XXYLT1: variants seen among roughly 807,000 people sequenced by gnomAD.
The protein encoded by XXYLT1 is UDP-xylose:alpha-xyloside alpha-1,3-xylosyltransferase.
A neutral mutation model predicts 28.9 loss-of-function variants in XXYLT1; 20 were observed. That is an observed-to-expected ratio of 0.69 (90% CI 0.49 to 1.00). The LOEUF (loss-of-function observed/expected upper bound fraction) is 1.00. Among genes scored for constraint, XXYLT1 ranks in the 50% least tolerant of loss-of-function variants. The probability of loss-of-function intolerance (pLI) is 0.00; values close to 1 mark genes in which losing one functional copy is unlikely to be tolerated. For synonymous variants in XXYLT1, 257 were observed against 253.8 expected (o/e 1.01, Z -0.12); for missense variants, 542 against 560.1 (o/e 0.97, Z 0.33).
chr3:195,106,563 G>A (rs1019164550), intron 3 of XXYLT1, among the ~76,000 whole-genome samples: 1 of 152,186 alleles, frequency 6.6e-6, no homozygotes, highest in Admixed American at 6.5e-5. Flanking sequence ...TCTTAGACCC[G>A]CGTGCAGATC....
intron 3 of XXYLT1, among the ~76,000 whole-genome samples, chr3:195,094,937 C>G (rs1176004744): frequency 6.6e-6 from 1 of 152,228 alleles, no homozygotes; most frequent in African/African-American, 2.4e-5. Context: ...AGGGTTCTCT[C>G]ACATAAGAGT....
chr3:195,118,187 G>A (rs2131879), intron 3 of XXYLT1, among the ~76,000 whole-genome samples: 132,567 of 152,204 alleles, frequency 0.87, 57,766 homozygotes, highest in Admixed American at 0.9. Flanking sequence ...TGGCAGGTCA[G>A]GTTCTTACTC....
rs1724710392 is a variant in XXYLT1, at chr3:195,240,032, T to A, written c.505-13176A>T. On this transcript the variant is annotated intron_variant, in intron 1 of 3. Coordinates refer to ENST00000310380, the MANE Select transcript of XXYLT1 (RefSeq NM_152531.5). This position sits in a 1 kb window ranked among gnomAD's most constrained non-coding sequence, Gnocchi z 4.7. ...AGAAATGATTAAATCTGTGTTAAATTTCTCTGCCTACTTTTATTTTTAATT... is the reference window on the plus strand; with the variant it reads ...AGAAATGATTAAATCTGTGTTAAATATCTCTGCCTACTTTTATTTTTAATT... 6.6e-6 allele frequency among the ~76,000 whole-genome samples: 1 copy of A among 152,228 alleles called. No individual in the cohort carries two copies. The highest frequency in any genetic ancestry group is 1.5e-5 in the Non-Finnish European group (1 of 68,036).
At chr3:195,101,575 T>C (rs561988657) in intron 3 of XXYLT1, among the ~76,000 whole-genome samples, 85 of 152,344 alleles carry the variant, frequency 5.6e-4, no homozygotes, top group Non-Finnish European at 9.6e-4. Context: ...ATGGCAGTTA[T>C]ACATGTAGCT....
At chr3:195,149,338 T>TG (rs994999165) in intron 3 of XXYLT1, among the ~76,000 whole-genome samples, 15 of 151,992 alleles carry the variant, frequency 9.9e-5, no homozygotes, top group South Asian at 4.2e-4. Context: ...TTTCATCCGA[T>TG]GGGGGGGCAA....
intron 2 of XXYLT1, among the ~76,000 whole-genome samples, chr3:195,192,953 T>C (rs1560144976): frequency 6.6e-6 from 1 of 152,128 alleles, no homozygotes; most frequent in Non-Finnish European, 1.5e-5. Context: ...CACACTTCTA[T>C]ATACTAGCAA....
intron 2 of XXYLT1, among the ~76,000 whole-genome samples, chr3:195,169,252 T>C (rs1249652167): frequency 6.6e-6 from 1 of 152,194 alleles, no homozygotes; most frequent in Admixed American, 6.5e-5. Flanking sequence ...TCAGGCTCCA[T>C]CCCGGCACGG....
intron 1 of XXYLT1, among the ~76,000 whole-genome samples, chr3:195,239,741 A>G (rs980809073): frequency 3.3e-5 from 5 of 152,212 alleles, no homozygotes; most frequent in Non-Finnish European, 7.3e-5. Flanking sequence ...GCCCAGAGTC[A>G]AGCTGAGCCA....
rs991204242 is a variant in XXYLT1, at chr3:195,210,087, G to A, written c.652+16622C>T. Among the ~76,000 whole-genome samples the A allele has an allele frequency of 7.5e-6, 1 of 132,644 alleles. No individual in the cohort carries two copies. Among genetic ancestry groups the A allele is most frequent in the Admixed American group, 7.0e-5 (1 of 14,298 alleles). The allele number at this position is 132,644 out of a possible 152,430, so 87.0% of individuals were successfully genotyped here. The stretch of plus-strand genomic sequence containing the variant: ...GTCCAGGCTGAGGCCCCGGCCGCCC[G>A]CACACCCTGGCCCAGAATGCCTGCT... On this transcript the variant is annotated intron_variant, in intron 2 of 3. Transcript: ENST00000310380. This position sits in a 1 kb window ranked among gnomAD's most constrained non-coding sequence, Gnocchi z 4.8.
At chr3:195,126,373 T>C (rs925388250) in intron 3 of XXYLT1, among the ~76,000 whole-genome samples, 2 of 152,226 alleles carry the variant, frequency 1.3e-5, no homozygotes, top group African/African-American at 2.4e-5. Context: ...GTAAATGCGA[T>C]TGGTCATTCT....
chr3:195,226,870 A>C lies in XXYLT1; in HGVS notation c.505-14T>G, dbSNP rs751744268. 3.1e-6 allele frequency: 5 copies of C among 1,605,462 alleles called. No homozygotes were observed. The highest frequency in any genetic ancestry group is 4.3e-6 in the Non-Finnish European group (5 of 1,176,112). ...GTGGAAGATGACCTGCAGCAGGTGCAAAAAAAACCAAGGCTCAGCAAACCA... is the reference window on the plus strand; with the variant it reads ...GTGGAAGATGACCTGCAGCAGGTGCCAAAAAAACCAAGGCTCAGCAAACCA... On this transcript the variant is annotated splice_polypyrimidine_tract_variant and intron_variant, in intron 1 of 3. Coordinates refer to ENST00000310380, the MANE Select transcript of XXYLT1 (RefSeq NM_152531.5).
At position 195,180,514 on chromosome 3, in the gene XXYLT1, C is replaced by G. The variant is rs1721896747; in HGVS notation, c.653-23933G>C. ...TATGCTCCTCTTCCTGGCTCTGTAG[C>G]CCTTGAAAAGAAGCAAACAAACAGA... On this transcript the variant is annotated intron_variant, in intron 2 of 3. Coordinates refer to ENST00000310380, the MANE Select transcript of XXYLT1 (RefSeq NM_152531.5). The surrounding 1 kb of genome is among the most constrained non-coding windows in gnomAD (Gnocchi z 5.8). 1 of 985,392 alleles carries G rather than the reference C, an allele frequency of 1.0e-6. No individual in the cohort carries two copies. Among genetic ancestry groups the G allele is most frequent in the Non-Finnish European group, 1.2e-6 (1 of 829,986 alleles). The allele number at this position is 985,392 out of a possible 1,614,324, so 61.0% of individuals were successfully genotyped here. A position where few individuals can be genotyped will look rare whatever the true frequency, so the allele number is the denominator to read the frequency against.
At chr3:195,157,289 C>T (rs1720653536) in intron 2 of XXYLT1, among the ~76,000 whole-genome samples, 1 of 149,470 alleles carries the variant, frequency 6.7e-6, no homozygotes, top group Admixed American at 6.7e-5. Flanking sequence ...CCAGGTGTTT[C>T]CTCTTTGGAG....
At chr3:195,137,756 T>C (rs1186785015) in intron 3 of XXYLT1, among the ~76,000 whole-genome samples, 1 of 152,220 alleles carries the variant, frequency 6.6e-6, no homozygotes, top group African/African-American at 2.4e-5. Flanking sequence ...GTGCTTAGTA[T>C]TATGTCATGT....
intron 3 of XXYLT1, among the ~76,000 whole-genome samples, chr3:195,112,992 T>C (rs2108705168): frequency 6.6e-6 from 1 of 152,376 alleles, no homozygotes; most frequent in African/African-American, 2.4e-5. Flanking sequence ...ACTGCAGCCA[T>C]GCCCCTCACT....
rs940133125 is a variant in XXYLT1, at chr3:195,268,215, A to T, written c.504+2340T>A. Among the ~76,000 whole-genome samples, 4 of 152,088 alleles carry T rather than the reference A, an allele frequency of 2.6e-5. No homozygotes were observed. The East Asian group carries it at 7.7e-4, about 29-fold the overall frequency. On this transcript the variant is annotated intron_variant, in intron 1 of 3. Transcript: ENST00000310380. ...GAGGCCAAGGTGGGTGGATCACCTG[A>T]GGTCAGGAATTTGAGACCAGCCTGG...
At chr3:195,159,159 G>C (rs892622506) in intron 2 of XXYLT1, among the ~76,000 whole-genome samples, 12 of 152,214 alleles carry the variant, frequency 7.9e-5, no homozygotes, top group African/African-American at 2.9e-4. Context: ...AGGAAGACTA[G>C]ACAGCTACAA....
chr3:195,081,311 C>T (rs1299224578), intron 3 of XXYLT1, among the ~76,000 whole-genome samples: 1 of 152,152 alleles, frequency 6.6e-6, no homozygotes, highest in Non-Finnish European at 1.5e-5. Context: ...GGTGGCATAG[C>T]AATTTGCAAA....
At chr3:195,146,650 G>C (rs901591152) in intron 3 of XXYLT1, 1 of 152,250 alleles carries the variant, frequency 6.6e-6, no homozygotes, top group Non-Finnish European at 1.5e-5. Flanking sequence ...CTTTTCAGAG[G>C]AAAGAAGGGA....
Sources: gnomAD v4.1 joint callset for allele counts (sites outside exome capture counted in the v4.1 genomes callset) on GRCh38, gnomAD v4.1.1 for gene constraint, Gnocchi (gnomAD v3.1) non-coding constraint, MANE v1.5 for transcripts, NCBI Gene and HGNC (gene_info 2026-07-23, HGNC 2026-07-21) for gene names.